NUP205: variants seen among roughly 807,000 people sequenced by gnomAD.
The protein encoded by NUP205 is nucleoporin 205, also known as nuclear pore complex protein Nup205.
Under a neutral mutation model 253.8 loss-of-function variants are expected in NUP205, and 76 were observed. The ratio of observed to expected loss-of-function variants is 0.30; its 90% CI spans 0.25 to 0.36. NUP205 has a LOEUF of 0.36. Among genes scored for constraint, NUP205 ranks in the 10% least tolerant of loss-of-function variants. The pLI is 1.00. For synonymous variants in NUP205, 832 were observed against 850.1 expected, an observed-to-expected ratio of 0.98 and a Z score of 0.37; for missense variants, 2,162 against 2,425.5, an observed-to-expected ratio of 0.89 and a Z score of 2.28.
chr7:135,622,969 G>T, intron 31 of NUP205, 44 bp downstream of exon 31: 1 of 1,585,320 alleles, frequency 6.3e-7, no homozygotes, highest in South Asian at 1.1e-5. Context: ...TAAGTATTTT[G>T]ACTTATTAAG....
At chr7:135,572,238 T>TA (rs1806016246) in intron 2 of NUP205, among the ~76,000 whole-genome samples, 1 of 152,202 alleles carries the variant, frequency 6.6e-6, no homozygotes, top group African/African-American at 2.4e-5. Flanking sequence ...AGCTAGGAGA[T>TA]AAACTTAATA....
chr7:135,622,338 G>A (rs1203243875), intron 30 of NUP205, among the ~76,000 whole-genome samples: 5 of 150,686 alleles, frequency 3.3e-5, no homozygotes, highest in South Asian at 2.1e-4. Flanking sequence ...CAGGAGAATC[G>A]CTTGAACCTG....
rs911899888 is a variant in NUP205 at position 135,567,482 on chromosome 7, T to C, written c.29-3623T>C. On this transcript the variant is annotated intron_variant, in intron 1 of 42. Coordinates refer to ENST00000285968, the MANE Select transcript of NUP205 (RefSeq NM_015135.3). ...CAGAAATTAGGTGGGTGTGGTTGCATACCTGTAGTCCCAGCTATTCAGGAG... is the reference window on the plus strand; with the variant it reads ...CAGAAATTAGGTGGGTGTGGTTGCACACCTGTAGTCCCAGCTATTCAGGAG... 1.7e-4 allele frequency among the ~76,000 whole-genome samples: 24 copies of C among 144,422 alleles called. No homozygotes were observed. The Admixed American group carries it at 1.7e-3, about 10-fold the overall frequency. The allele number at this position is 144,422 out of a possible 152,430, so 94.7% of individuals were successfully genotyped here.
rs762416724 is a variant in NUP205, at chr7:135,600,912, C to T, written c.2317C>T (p.Leu773Phe). The change falls in exon 16 of 43, where the codon CTC becomes TTC. Residue 773 changes from leucine to phenylalanine, a missense_variant. Coordinates refer to ENST00000285968, the MANE Select transcript of NUP205 (RefSeq NM_015135.3). The stretch of plus-strand genomic sequence containing the variant: ...GGTTTTGGAGGTGTTTTATAAATTG[C>T]TCAGAGATTATGAGCCTCAGCTTGA... ...EVVLEVFYKLLRDYEPQLEDF... is the reference protein window; with the variant it reads ...EVVLEVFYKLFRDYEPQLEDF... 1 of 1,611,856 alleles carries T rather than the reference C, an allele frequency of 6.2e-7. No homozygotes were observed. The highest frequency in any genetic ancestry group is 2.2e-5 in the East Asian group (1 of 44,740).
intron 22 of NUP205, among the ~76,000 whole-genome samples, chr7:135,610,467 G>T (rs1302393799): frequency 6.6e-6 from 1 of 152,110 alleles, no homozygotes; most frequent in Admixed American, 6.5e-5. Context: ...TGATCCACCC[G>T]CCTTGGCCTC....
chr7:135,562,583 CTG>C (rs1232647667), intron 1 of NUP205, among the ~76,000 whole-genome samples: 2 of 124,286 alleles, frequency 1.6e-5, no homozygotes, highest in Non-Finnish European at 3.2e-5. Flanking sequence ...GAGTCTGGCT[CTG>C]TTGCCAGGCT....
Position 135,634,280 on chromosome 7 carries a change from A to G in NUP205, c.5060-1301A>G, listed in dbSNP as rs1185017843. 2.0e-5 allele frequency among the ~76,000 whole-genome samples: 3 copies of G among 152,172 alleles called. No homozygotes were observed. The East Asian group carries it at 5.8e-4, about 29-fold the overall frequency. On this transcript the variant is annotated intron_variant, in intron 35 of 42. Transcript: ENST00000285968. ...GGAGTTGAGAGTGATTGATATACAT[A>G]GAATAGTTAGATGGCATTTAGCAGA...
chr7:135,600,824 C>T, intron 15 of NUP205, 46 bp from the exon 16 acceptor site: 1 of 1,168,818 alleles, frequency 8.6e-7, no homozygotes, highest in Non-Finnish European at 1.3e-6. Flanking sequence ...AAGGCCACCA[C>T]CTTGGTCTGT....
intron 25 of NUP205, 132 bp from the exon 26 acceptor site, chr7:135,616,956 TAC>T: frequency 1.5e-6 from 1 of 682,774 alleles, no homozygotes; most frequent in African/African-American, 1.8e-5. Context: ...TAGATTCCAA[TAC>T]AGTTTTCAGT....
intron 1 of NUP205, among the ~76,000 whole-genome samples, chr7:135,559,787 G>A (rs895079450): frequency 2.0e-5 from 3 of 151,724 alleles, no homozygotes; most frequent in African/African-American, 7.3e-5. Flanking sequence ...CACCTCCTGG[G>A]TTGGAGCAAC....
At chr7:135,642,452 G>T (rs1409815786) in intron 38 of NUP205, among the ~76,000 whole-genome samples, 1 of 151,790 alleles carries the variant, frequency 6.6e-6, no homozygotes, top group Admixed American at 6.6e-5. Context: ...CTTCCAAATT[G>T]TTGACAGGTG....
intron 30 of NUP205, among the ~76,000 whole-genome samples, chr7:135,621,411 T>C (rs1298829456): frequency 6.6e-6 from 1 of 152,228 alleles, no homozygotes; most frequent in African/African-American, 2.4e-5. Flanking sequence ...ACATTCCATT[T>C]AGTTGAATTG....
At chr7:135,640,339 TTTG>T (rs1158192092) in intron 38 of NUP205, among the ~76,000 whole-genome samples, 1 of 152,208 alleles carries the variant, frequency 6.6e-6, no homozygotes, top group Non-Finnish European at 1.5e-5. Context: ...TAGTATTAAA[TTTG>T]TTGTTGTTGT....
At chr7:135,615,548 A>G (rs912421658) in intron 23 of NUP205, among the ~76,000 whole-genome samples, 13 of 152,258 alleles carry the variant, frequency 8.5e-5, no homozygotes, top group Admixed American at 4.6e-4. Flanking sequence ...AATCAAAACC[A>G]AACTATGATA....
intron 1 of NUP205, among the ~76,000 whole-genome samples, chr7:135,564,405 C>T (rs1002431149): frequency 2.7e-4 from 41 of 151,914 alleles, no homozygotes; most frequent in Non-Finnish European, 4.1e-4. Flanking sequence ...AGCCACCATG[C>T]CCAGCTAATT....
At position 135,622,903 on chromosome 7, in the gene NUP205, G is replaced by A. The variant is rs1333287865; in HGVS notation, c.4457G>A (p.Cys1486Tyr). 6.2e-7 allele frequency: 1 copy of A among 1,614,042 alleles called. No individual in the cohort carries two copies. The highest frequency in any genetic ancestry group is 1.1e-5 in the South Asian group (1 of 91,064). The stretch of plus-strand genomic sequence containing the variant: ...ATGGAAGTGGTCTGTCGAGATGCTT[G>A]TGATGGTCATGAGATTGGAAGGGTA... ...ALMEVVCRDA[C>Y]DGHEIGRMLA... Residue 1486 changes from cysteine (C) to tyrosine (Y), a missense_variant, in exon 31 of 43, where the codon TGT becomes TAT. By Grantham distance (194) the Cys-to-Tyr change is radical. Transcript: ENST00000285968.
At chr7:135,606,285 TAAAG>T in intron 20 of NUP205, 59 bp downstream of exon 20, 3 of 1,056,796 alleles carry the variant, frequency 2.8e-6, no homozygotes. Flanking sequence ...ATGCTTAATT[TAAAG>T]AAAACACTTG....
At chr7:135,582,528 C>T (rs1806335771) in intron 7 of NUP205, among the ~76,000 whole-genome samples, 4 of 152,064 alleles carry the variant, frequency 2.6e-5, no homozygotes, top group Admixed American at 2.6e-4. Flanking sequence ...CCCTGTTGCC[C>T]AGGCTGGAGT....
intron 2 of NUP205, among the ~76,000 whole-genome samples, chr7:135,571,519 C>T (rs1037051523): frequency 1.3e-5 from 2 of 151,492 alleles, no homozygotes; most frequent in African/African-American, 2.4e-5. Flanking sequence ...GGATTACAGA[C>T]GTGAGCCACC....
Sources: allele counts gnomAD v4.1 joint callset (sites outside exome capture counted in the v4.1 genomes callset), GRCh38; gene constraint gnomAD v4.1.1; transcripts MANE v1.5; gene names NCBI Gene and HGNC (gene_info 2026-07-23, HGNC 2026-07-21).